Variants in HMCN1 observed in about 807,000 individuals in gnomAD.
The protein encoded by HMCN1 is hemicentin 1.
A neutral mutation model predicts 625.9 loss-of-function variants in HMCN1; 321 were observed. The ratio of observed to expected loss-of-function variants is 0.51; its 90% CI spans 0.47 to 0.56. The LOEUF is 0.56. HMCN1 is among the 20% of genes least tolerant of loss of function. The probability of loss-of-function intolerance (pLI) is 0.00; values close to 1 mark genes in which losing one functional copy is unlikely to be tolerated. For synonymous variants in HMCN1, 2,425 were observed against 2,417.6 expected (o/e 1.00, Z -0.09); for missense variants, 6,588 against 6,887.3 (o/e 0.96, Z 1.54).
chr1:185,826,833 A>G (rs1660542451), intron 1 of HMCN1, among the ~76,000 whole-genome samples: 1 of 152,162 alleles, frequency 6.6e-6, no homozygotes. Context: ...CCTTCGCCAC[A>G]TGAACTTCCA....
At position 186,016,223 on chromosome 1, in the gene HMCN1, T is replaced by G; in HGVS notation, c.5175T>G (p.Tyr1725Ter). Residue 1725 changes from tyrosine to a stop codon, truncating the protein, a stop_gained, in exon 32 of 107, where the codon TAT becomes TAG. Transcript: ENST00000271588. LOFTEE classifies it high-confidence loss of function. ...TGGCAGGAGAAAAGGAAATCAAATA[T>G]GAAGTTGATGTCTTGGGTAAATAAG... ...TSVAGEKEIK[Y>*]EVDVLVPPAI... is the part of the protein sequence containing the mutation. 6.2e-7 allele frequency: 1 copy of G among 1,612,938 alleles called. No individual in the cohort carries two copies. Among genetic ancestry groups the G allele is most frequent in the Non-Finnish European group, 8.5e-7 (1 of 1,179,164 alleles).
chr1:186,113,866 A>T, intron 72 of HMCN1, 113 bp from the exon 73 acceptor site: 2 of 1,150,496 alleles, frequency 1.7e-6, no homozygotes, highest in Non-Finnish European at 2.6e-6. Context: ...AGATTCTTGT[A>T]GACAAAGCTA....
intron 77 of HMCN1, among the ~76,000 whole-genome samples, chr1:186,118,036 T>G (rs549706198): frequency 6.6e-6 from 1 of 152,286 alleles, no homozygotes; most frequent in Non-Finnish European, 1.5e-5. Context: ...ATTCTGAGAC[T>G]GTATAACTAA....
intron 96 of HMCN1, 45 bp downstream of exon 96, chr1:186,152,916 G>T (rs754635461): frequency 1.1e-5 from 18 of 1,610,348 alleles, no homozygotes; most frequent in Admixed American, 1.7e-5. Flanking sequence ...TTAGAGTAAT[G>T]ATGAGTGAAA....
rs768760620 is a variant in HMCN1, at chr1:185,898,395, A to C, written c.622-10942A>C. The stretch of plus-strand genomic sequence containing the variant: ...GAGTCAGGAGATCAGAACCCTGTCT[A>C]TTGTCTGAAAAAGAATGAAGTCTTG... On this transcript the variant is annotated intron_variant, in intron 4 of 106. Coordinates refer to ENST00000271588, the MANE Select transcript of HMCN1 (RefSeq NM_031935.3). Among the ~76,000 whole-genome samples the C allele has an allele frequency of 3.3e-5, 5 of 152,322 alleles. No individual in the cohort carries two copies. The South Asian group carries it at 8.3e-4, about 25-fold the overall frequency.
At chr1:185,783,962 A>T (rs1482741817) in intron 1 of HMCN1, among the ~76,000 whole-genome samples, 2 of 152,244 alleles carry the variant, frequency 1.3e-5, no homozygotes, top group African/African-American at 4.8e-5. Flanking sequence ...CTACAGAGGC[A>T]GGCAGCCTCC....
chr1:185,838,719 A>C (rs887279066), intron 1 of HMCN1, among the ~76,000 whole-genome samples: 21 of 152,248 alleles, frequency 1.4e-4, no homozygotes, highest in African/African-American at 4.8e-4. Context: ...TGTTGAGAGC[A>C]GGACATTGTC....
chr1:185,900,757 G>A (rs935946425), intron 4 of HMCN1, among the ~76,000 whole-genome samples: 2 of 151,904 alleles, frequency 1.3e-5, no homozygotes, highest in Non-Finnish European at 2.9e-5. Flanking sequence ...TGGAAATACA[G>A]AGAATATGAT....
chr1:186,179,354 CTT>C (rs774769376), intron 104 of HMCN1, among the ~76,000 whole-genome samples: 20 of 152,234 alleles, frequency 1.3e-4, no homozygotes, highest in Middle Eastern at 6.8e-3. Context: ...CTTGCAGTAT[CTT>C]TATCTAAATT....
intron 1 of HMCN1, among the ~76,000 whole-genome samples, chr1:185,783,789 G>A (rs1557965613): frequency 6.6e-6 from 1 of 152,222 alleles, no homozygotes; most frequent in Admixed American, 6.5e-5. Flanking sequence ...CTACTCGGGG[G>A]TCAGGGACCC....
At chr1:186,151,948 A>G (rs1650697484) in intron 95 of HMCN1, among the ~76,000 whole-genome samples, 1 of 152,216 alleles carries the variant, frequency 6.6e-6, no homozygotes, top group African/African-American at 2.4e-5. Context: ...CAGTCATTTT[A>G]TACCCTAAAA....
chr1:185,950,882 A>T (rs1668621874), intron 11 of HMCN1, among the ~76,000 whole-genome samples: 1 of 151,900 alleles, frequency 6.6e-6, no homozygotes, highest in Non-Finnish European at 1.5e-5. Flanking sequence ...TTTGGTTGAT[A>T]AGGTGCAGAT....
At position 186,119,214 on chromosome 1, in the gene HMCN1, C is replaced by G; in HGVS notation, c.11872C>G (p.Gln3958Glu). 6.2e-7 allele frequency: 1 copy of G among 1,613,626 alleles called. No individual in the cohort carries two copies. Among genetic ancestry groups the G allele is most frequent in the Non-Finnish European group, 8.5e-7 (1 of 1,179,668 alleles). The change falls in exon 78 of 107, where the codon CAA becomes GAA. Residue 3958 changes from glutamine to glutamate, a missense_variant. Around this residue, in one of 3 missense-constraint regions of HMCN1, gnomAD observed 4,628 missense variants for 4,853.1 expected, o/e 0.95. Transcript: ENST00000271588. ...SSGAIEILAT[Q>E]LNHAGRYTCV... ...AGGAGCAATTGAAATACTTGCCACC[C>G]AATTAAACCATGCTGGAAGATACAC... is the stretch of plus-strand genomic sequence containing the variant.
intron 68 of HMCN1, among the ~76,000 whole-genome samples, chr1:186,101,995 G>A (rs566946254): frequency 6.6e-5 from 10 of 152,166 alleles, no homozygotes; most frequent in African/African-American, 2.4e-4. Context: ...TCTCAGTTGC[G>A]GGACTATGAG....
rs181852740 is a variant in HMCN1, at chr1:186,053,937, G to A, written c.6813G>A (p.Ala2271=). 73 of 1,612,660 alleles carry A rather than the reference G, an allele frequency of 4.5e-5. 1 individual carries two copies. Among genetic ancestry groups the A allele is most frequent in the Admixed American group, 4.0e-4 (24 of 59,826 alleles). Residue 2271 remains alanine (A), a synonymous_variant, in exon 44 of 107, where the codon GCG becomes GCA. Transcript: ENST00000271588. ...ATGCAGCACTCTATTCATGTGTGGC[G>A]TCGAATGTTGCTGGGACTGCAAAGA... ...KSDAALYSCV[A]SNVAGTAKKE...
In HMCN1 at chr1:186,144,282, T is replaced by G. The variant is rs755352114; in HGVS notation, c.14034T>G (p.Gly4678=). The G allele has an allele frequency of 2.5e-6, 4 of 1,613,932 alleles. No homozygotes were observed. In the Admixed American group the frequency reaches 6.7e-5, roughly 27 times the overall value. The change falls in exon 90 of 107, where the codon GGT becomes GGG. Residue 4678 remains glycine, a synonymous_variant. Coordinates refer to ENST00000271588, the MANE Select transcript of HMCN1 (RefSeq NM_031935.3). ...RLCNNPPPAF[G]GSYCDGAETQ... ...GTAATAACCCACCACCAGCGTTTGG[T>G]GGGTCCTACTGTGATGGAGCAGAAA...
At chr1:186,046,072 A>T (rs1338819339) in intron 41 of HMCN1, among the ~76,000 whole-genome samples, 1 of 152,114 alleles carries the variant, frequency 6.6e-6, no homozygotes, top group Non-Finnish European at 1.5e-5. Flanking sequence ...TCCAGAAATG[A>T]TCCCAAAAAA....
intron 2 of HMCN1, among the ~76,000 whole-genome samples, chr1:185,847,572 A>C (rs527352223): frequency 6.6e-6 from 1 of 152,224 alleles, no homozygotes; most frequent in African/African-American, 2.4e-5. Context: ...TCCAGCACCT[A>C]TCCTATCCTT....
At chr1:185,736,291 G>T (rs1653571108) in intron 1 of HMCN1, among the ~76,000 whole-genome samples, 1 of 151,912 alleles carries the variant, frequency 6.6e-6, no homozygotes, top group African/African-American at 2.4e-5. Context: ...TTACATATAT[G>T]TAATTACATA....
Sources: gnomAD v4.1 joint callset for allele counts (sites outside exome capture counted in the v4.1 genomes callset) on GRCh38, gnomAD v4.1.1 for gene constraint, gnomAD v4.1.1 regional missense constraint, MANE v1.5 for transcripts, NCBI Gene and HGNC (gene_info 2026-07-23, HGNC 2026-07-21) for gene names.